Variants in CFAP20DC observed in about 807,000 individuals in gnomAD.
CFAP20DC encodes the protein CFAP20 domain containing, also known as protein CFAP20DC.
In CFAP20DC, 84 loss-of-function variants were observed where a neutral mutation model predicts 101.7. That is an observed-to-expected ratio of 0.83 (90% CI 0.69 to 0.99). CFAP20DC has a LOEUF of 0.99. Ranked by LOEUF, CFAP20DC falls within the 50% of genes least tolerant of loss-of-function variation. The pLI is 0.00. For synonymous variants in CFAP20DC, 359 were observed against 351.2 expected, an observed-to-expected ratio of 1.02 and a Z score of -0.25; for missense variants, 1,007 against 970.3, an observed-to-expected ratio of 1.04 and a Z score of -0.50.
At chr3:59,010,162 C>A (rs1460455681) in intron 4 of CFAP20DC, among the ~76,000 whole-genome samples, 3 of 151,688 alleles carry the variant, frequency 2.0e-5, no homozygotes, top group Admixed American at 2.0e-4. Flanking sequence ...AAAACAAGGT[C>A]TTTAGGCAAC....
At chr3:58,917,885 C>T (rs1409771327) in intron 5 of CFAP20DC, among the ~76,000 whole-genome samples, 2 of 152,182 alleles carry the variant, frequency 1.3e-5, no homozygotes. Context: ...GCTGCCAGAG[C>T]TGCCAGACCT....
intron 15 of CFAP20DC, among the ~76,000 whole-genome samples, chr3:58,773,219 G>C (rs1295199189): frequency 2.0e-5 from 3 of 151,734 alleles, no homozygotes; most frequent in African/African-American, 7.3e-5. Flanking sequence ...ATACTAACTT[G>C]CATGGTCTAA....
At chr3:58,808,840 C>A (rs886346780) in intron 14 of CFAP20DC, among the ~76,000 whole-genome samples, 1 of 152,078 alleles carries the variant, frequency 6.6e-6, no homozygotes, top group Non-Finnish European at 1.5e-5. Flanking sequence ...CAGAGACACA[C>A]ATAGGCTCAA....
At chr3:58,991,853 GCTCGGGGA>G (rs1234391337) in intron 4 of CFAP20DC, among the ~76,000 whole-genome samples, 1 of 152,106 alleles carries the variant, frequency 6.6e-6, no homozygotes, top group Non-Finnish European at 1.5e-5. Context: ...GTGGCCCAGG[GCTCGGGGA>G]CCCCTGACTT....
At chr3:58,813,529 C>A (rs2074849217) in intron 14 of CFAP20DC, among the ~76,000 whole-genome samples, 1 of 151,786 alleles carries the variant, frequency 6.6e-6, no homozygotes, top group African/African-American at 2.4e-5. Context: ...ATAATGTGGC[C>A]CCTGACTGAG....
chr3:58,884,723 C>A lies in CFAP20DC; in HGVS notation c.551-14G>T, dbSNP rs762017139. The A allele has an allele frequency of 1.3e-6, 2 of 1,586,650 alleles. No individual in the cohort carries two copies. Among genetic ancestry groups the A allele is most frequent in the Non-Finnish European group, 1.7e-6 (2 of 1,163,908 alleles). On this transcript the variant is annotated splice_polypyrimidine_tract_variant and intron_variant, in intron 6 of 16. Coordinates refer to ENST00000482387, the MANE Select transcript of CFAP20DC (RefSeq NM_001394063.1). Reference sequence around the variant, plus strand: ...CACCATAGACAGCTGGAAATAAAGACAAACATTCATTTTCAAAATGTAAGC... The same window carrying A: ...CACCATAGACAGCTGGAAATAAAGAAAAACATTCATTTTCAAAATGTAAGC...
In CFAP20DC at chr3:58,799,961, A is replaced by C. The variant is rs2073563533; in HGVS notation, c.2237+6434T>G. Among the ~76,000 whole-genome samples, 1 of 152,202 alleles carries C rather than the reference A, an allele frequency of 6.6e-6. No individual in the cohort carries two copies. The highest frequency in any genetic ancestry group is 1.5e-5 in the Non-Finnish European group (1 of 68,028). ...GCTGGGAAGCAACCTTGGTTAAGAG[A>C]ACTCCATCCAGGCAGCACTCCTAAG... On this transcript the variant is annotated intron_variant, in intron 15 of 16. Transcript: ENST00000482387. The surrounding 1 kb of genome is among the most constrained non-coding windows in gnomAD (Gnocchi z 4.9).
chr3:58,993,708 T>G (rs571411185), intron 4 of CFAP20DC, among the ~76,000 whole-genome samples: 3 of 152,154 alleles, frequency 2.0e-5, no homozygotes, highest in Non-Finnish European at 2.9e-5. Context: ...CTGCATTAGT[T>G]TGCCGAGGAT....
intron 3 of CFAP20DC, among the ~76,000 whole-genome samples, chr3:58,730,904 G>T (rs963760426): frequency 2.0e-5 from 3 of 152,056 alleles, no homozygotes; most frequent in African/African-American, 7.2e-5. Flanking sequence ...GTATCCCTGC[G>T]AGTGTGTGTC....
At position 58,913,265 on chromosome 3, in the gene CFAP20DC, T is replaced by C. The variant is rs1024181038; in HGVS notation, c.550+443A>G. 1.3e-5 allele frequency among the ~76,000 whole-genome samples: 2 copies of C among 152,034 alleles called. No individual in the cohort carries two copies. Among genetic ancestry groups the C allele is most frequent in the East Asian group, 3.9e-4 (2 of 5,180 alleles). On this transcript the variant is annotated intron_variant, in intron 6 of 16. Coordinates refer to ENST00000482387, the MANE Select transcript of CFAP20DC (RefSeq NM_001394063.1). The surrounding 1 kb of genome is among the most constrained non-coding windows in gnomAD (Gnocchi z 4.4). ...AGTAGCTACTGGCAGTGGGTGGAGGTGGCAAATGGATGGGGTTGTCCTTAG... is the reference window on the plus strand; with the variant it reads ...AGTAGCTACTGGCAGTGGGTGGAGGCGGCAAATGGATGGGGTTGTCCTTAG...
intron 5 of CFAP20DC, among the ~76,000 whole-genome samples, chr3:58,934,531 C>T (rs1015459149): frequency 4.6e-5 from 7 of 152,184 alleles, no homozygotes; most frequent in African/African-American, 7.2e-5. Flanking sequence ...CAATAAAATA[C>T]TGGCAAACCG....
intron 5 of CFAP20DC, among the ~76,000 whole-genome samples, chr3:58,928,675 G>A (rs1337239655): frequency 6.6e-6 from 1 of 152,010 alleles, no homozygotes; most frequent in Non-Finnish European, 1.5e-5. Flanking sequence ...CACTGCATTG[G>A]CATATGGGCC....
chr3:59,026,944 G>A (rs1370704252), intron 4 of CFAP20DC, among the ~76,000 whole-genome samples: 1 of 152,158 alleles, frequency 6.6e-6, no homozygotes, highest in Admixed American at 6.5e-5. Flanking sequence ...TGAGGTCTAC[G>A]TGGACCTAAA....
intron 6 of CFAP20DC, among the ~76,000 whole-genome samples, chr3:58,890,964 C>T (rs1488679856): frequency 6.8e-6 from 1 of 146,494 alleles, no homozygotes; most frequent in African/African-American, 2.6e-5. Flanking sequence ...CAGAGGGGCT[C>T]CTCACATCCC....
intron 4 of CFAP20DC, among the ~76,000 whole-genome samples, chr3:58,958,044 C>T (rs1221466569): frequency 1.3e-5 from 2 of 151,952 alleles, no homozygotes; most frequent in Admixed American, 1.3e-4. Context: ...GGATAAATAA[C>T]CTAGTTTCCA....
intron 4 of CFAP20DC, among the ~76,000 whole-genome samples, chr3:59,025,077 C>T (rs2093871124): frequency 6.6e-6 from 1 of 152,262 alleles, no homozygotes; most frequent in Admixed American, 6.5e-5. Flanking sequence ...ATCTGTTTTT[C>T]CCAGGTCCTG....
At chr3:58,885,001 A>T (rs544762289) in intron 6 of CFAP20DC, among the ~76,000 whole-genome samples, 1 of 152,272 alleles carries the variant, frequency 6.6e-6, no homozygotes, top group South Asian at 2.1e-4. Context: ...TTTTCTTTTC[A>T]ATACTAGAGG....
intron 15 of CFAP20DC, among the ~76,000 whole-genome samples, chr3:58,790,733 C>T (rs1339337625): frequency 6.6e-6 from 1 of 152,190 alleles, no homozygotes; most frequent in Non-Finnish European, 1.5e-5. Flanking sequence ...GTAGTCTGAA[C>T]TCTTTGGATT....
intron 16 of CFAP20DC, among the ~76,000 whole-genome samples, chr3:58,744,276 G>C (rs923572196): frequency 6.6e-6 from 1 of 152,134 alleles, no homozygotes; most frequent in Non-Finnish European, 1.5e-5. Context: ...AGGTTTGTTG[G>C]TGAGTTAGAG....
Sources: allele counts gnomAD v4.1 joint callset (sites outside exome capture counted in the v4.1 genomes callset), GRCh38; gene constraint gnomAD v4.1.1; non-coding constraint Gnocchi (gnomAD v3.1); transcripts MANE v1.5; gene names NCBI Gene and HGNC (gene_info 2026-07-23, HGNC 2026-07-21).